TNFAIP2: variants seen among roughly 807,000 people sequenced by gnomAD.
TNFAIP2 encodes TNF alpha induced protein 2.
In TNFAIP2, 47 loss-of-function variants were observed where a neutral mutation model predicts 63.5. That is an observed-to-expected ratio of 0.74 (90% CI 0.59 to 0.94). The LOEUF is 0.94. Among genes scored for constraint, TNFAIP2 ranks in the 40% least tolerant of loss-of-function variants. The pLI, the probability that TNFAIP2 is intolerant of heterozygous loss-of-function variation, is 0.00. For missense variants in TNFAIP2, 787 were observed against 850.2 expected (o/e 0.93, Z 0.92); for synonymous variants, 405 against 390.2 (o/e 1.04, Z -0.45).
intron 10 of TNFAIP2, 61 bp from the exon 11 acceptor site, chr14:103,133,621 A>G: frequency 1.9e-6 from 3 of 1,554,772 alleles, no homozygotes; most frequent in Non-Finnish European, 2.6e-6. Flanking sequence ...TCTAAGCCCA[A>G]CGAGTCGCTG....
intron 6 of TNFAIP2, 119 bp from the exon 7 acceptor site, chr14:103,130,933 G>A: frequency 9.9e-7 from 1 of 1,014,962 alleles, no homozygotes; most frequent in Non-Finnish European, 1.5e-6. Context: ...CCCCTCCCTT[G>A]GCTATGGGCA....
Position 103,127,443 on chromosome 14 carries a change from A to AG in TNFAIP2, c.676dup (p.Glu226GlyfsTer63). The AG allele has an allele frequency of 6.3e-7, 1 of 1,587,904 alleles. No individual in the cohort carries two copies. Among genetic ancestry groups the AG allele is most frequent in the Non-Finnish European group, 8.5e-7 (1 of 1,175,272 alleles). The stretch of plus-strand genomic sequence containing the variant: ...TTTCTGCACTTGGGCCGCACCATGA[A>AG]GGAGGACCTGGAGGCCGTGGTGGAG... On this transcript the variant is annotated frameshift_variant, in exon 3 of 12. Transcript: ENST00000560869. LOFTEE classifies it high-confidence loss of function. The surrounding 1 kb of genome is among the most constrained non-coding windows in gnomAD (Gnocchi z 5.1).
Position 103,126,542 on chromosome 14 carries a change from AAGAAGAAGG to A in TNFAIP2, c.94_102del (p.Glu32_Lys34del), listed in dbSNP as rs763927491. ...TAGGGAGGAGGAAGAGGCGGCGAAGAAGAAGAAGGAGAAGAAGAAGAAGTCCAAAGGCCT... is the reference window on the plus strand; with the variant it reads ...TAGGGAGGAGGAAGAGGCGGCGAAGAAGAAGAAGAAGAAGTCCAAAGGCCT... On this transcript the variant is annotated inframe_deletion, in exon 2 of 12. Transcript: ENST00000560869. 21 of 1,570,726 alleles carry A rather than the reference AAGAAGAAGG, an allele frequency of 1.3e-5. No homozygotes were observed. Among genetic ancestry groups the A allele is most frequent in the Admixed American group, 9.4e-5 (5 of 53,268 alleles).
chr14:103,133,270 C>G, intron 9 of TNFAIP2, 92 bp from the exon 10 acceptor site: 1 of 1,490,058 alleles, frequency 6.7e-7, no homozygotes, highest in Non-Finnish European at 9.0e-7. Context: ...GCATCTGCCT[C>G]TCTCTGGAGG....
At chr14:103,124,736 C>A (rs1222014830) in intron 1 of TNFAIP2, among the ~76,000 whole-genome samples, 1 of 152,226 alleles carries the variant, frequency 6.6e-6, no homozygotes, top group Non-Finnish European at 1.5e-5. Context: ...GGGTGGGGAG[C>A]AGAGGTGCCC....
At chr14:103,133,943 G>A (rs2088043682) in intron 11 of TNFAIP2, 140 bp downstream of exon 11, 2 of 1,123,432 alleles carry the variant, frequency 1.8e-6, no homozygotes, top group Non-Finnish European at 2.4e-6. Flanking sequence ...CATTCTTGTG[G>A]CCTTCACCAC....
intron 11 of TNFAIP2, 147 bp downstream of exon 11, chr14:103,133,950 C>A: frequency 9.6e-7 from 1 of 1,040,216 alleles, no homozygotes; most frequent in Non-Finnish European, 1.3e-6. Context: ...GTGGCCTTCA[C>A]CACAGCACTA....
Position 103,135,832 on chromosome 14 carries a change from T to G in TNFAIP2, c.*472T>G, listed in dbSNP as rs1351950055. 1.0e-5 allele frequency: 13 copies of G among 1,292,326 alleles called. No individual in the cohort carries two copies. The highest frequency in any genetic ancestry group is 1.3e-5 in the Non-Finnish European group (13 of 990,890). The allele number at this position is 1,292,326 out of a possible 1,614,324, so 80.1% of individuals were successfully genotyped here. ...AGCCCAGGGCCGCCGTGAGCGGGAT[T>G]CAGCAATGGTGGAATGGAAGACAGA... On this transcript the variant is annotated 3_prime_UTR_variant, in exon 12 of 12. Transcript: ENST00000560869. This position sits in a 1 kb window ranked among gnomAD's most constrained non-coding sequence, Gnocchi z 7.6.
chr14:103,132,816 G>A lies in TNFAIP2; in HGVS notation c.1489G>A (p.Ala497Thr), dbSNP rs766106526. 1.3e-5 allele frequency: 21 copies of A among 1,613,936 alleles called. No individual in the cohort carries two copies. Among genetic ancestry groups the A allele is most frequent in the Admixed American group, 1.7e-5 (1 of 59,994 alleles). Reference protein sequence around the residue: ...APVETLENIIATVDTRLPEFS... With the variant: ...APVETLENIITTVDTRLPEFS... ...TGTGGAGACCCTGGAAAACATCATC[G>A]CCACTGTAGACACGAGGCTGCCTGA... The change falls in exon 9 of 12, where the codon GCC becomes ACC. Residue 497 changes from alanine to threonine, a missense_variant. Around this residue, in one of 3 missense-constraint regions of TNFAIP2, gnomAD observed 523 missense variants for 604.1 expected, o/e 0.87. Coordinates refer to ENST00000560869, the MANE Select transcript of TNFAIP2 (RefSeq NM_006291.4).
upstream of TNFAIP2, among the ~76,000 whole-genome samples, chr14:103,122,455 C>A (rs964640611): frequency 6.6e-6 from 1 of 152,188 alleles, no homozygotes; most frequent in Non-Finnish European, 1.5e-5. Context: ...CCCTGCCCAG[C>A]GGGAAATTCC....
chr14:103,134,549 C>T (rs1451779949), intron 11 of TNFAIP2, among the ~76,000 whole-genome samples: 2 of 148,578 alleles, frequency 1.3e-5, no homozygotes, highest in African/African-American at 2.5e-5. Context: ...TCCATCCACC[C>T]CTCCACCCAT....
chr14:103,124,892 G>A (rs1377052828), intron 1 of TNFAIP2, among the ~76,000 whole-genome samples: 2 of 152,242 alleles, frequency 1.3e-5, no homozygotes, highest in Non-Finnish European at 2.9e-5. Context: ...CAGGGGCTGG[G>A]GGTGGGAGGA....
intron 3 of TNFAIP2, among the ~76,000 whole-genome samples, chr14:103,128,027 CA>C (rs770935248): frequency 6.6e-6 from 1 of 152,176 alleles, no homozygotes; most frequent in Non-Finnish European, 1.5e-5. Context: ...AGGCCCCGTG[CA>C]GAGCATGGGC....
chr14:103,122,771 G>A (rs776218101), upstream of TNFAIP2: 2 of 454,736 alleles, frequency 4.4e-6, no homozygotes, highest in Admixed American at 4.7e-5. Context: ...AGCCCCAGAG[G>A]GGGAAAGGCT....
rs2139576493 is a variant in TNFAIP2 at position 103,137,056 on chromosome 14, G to A, written c.*1696G>A. 1 of 152,400 alleles carries A rather than the reference G, an allele frequency of 6.6e-6. No homozygotes were observed. Among genetic ancestry groups the A allele is most frequent in the Admixed American group, 6.5e-5 (1 of 15,302 alleles). The allele number at this position is 152,400 out of a possible 1,614,324, so 9.4% of individuals were successfully genotyped here. On this transcript the variant is annotated 3_prime_UTR_variant, in exon 12 of 12. Transcript: ENST00000560869. ...CTGCCGGGCACCTCGCTCTACCCCAGGAAAATGTGAGCTCGTTTTCCTGCT... is the reference window on the plus strand; with the variant it reads ...CTGCCGGGCACCTCGCTCTACCCCAAGAAAATGTGAGCTCGTTTTCCTGCT...
chr14:103,121,838 C>A (rs935754360), upstream of TNFAIP2, among the ~76,000 whole-genome samples: 9 of 136,984 alleles, frequency 6.6e-5, no homozygotes, highest in African/African-American at 2.2e-4. Context: ...CTGGCAGATG[C>A]AGACTTCCCG....
rs1252827217 is a variant in TNFAIP2, at chr14:103,127,445, G to C, written c.676G>C (p.Glu226Gln). 11 of 1,588,066 alleles carry C rather than the reference G, an allele frequency of 6.9e-6. No homozygotes were observed. The highest frequency in any genetic ancestry group is 9.4e-6 in the Non-Finnish European group (11 of 1,175,350). Reference sequence around the variant, plus strand: ...TCTGCACTTGGGCCGCACCATGAAGGAGGACCTGGAGGCCGTGGTGGAGCG... The same window carrying C: ...TCTGCACTTGGGCCGCACCATGAAGCAGGACCTGGAGGCCGTGGTGGAGCG... ...VFLHLGRTMK[E>Q]DLEAVVERLK... The change falls in exon 3 of 12, where the codon GAG (glutamate) becomes CAG (glutamine). Residue 226 changes from glutamate to glutamine, a missense_variant. Glu to Gln is a conservative substitution (Grantham distance 29). This residue lies in a region of TNFAIP2 where 523 missense variants were observed against 604.1 expected (regional missense o/e 0.87). Coordinates refer to ENST00000560869, the MANE Select transcript of TNFAIP2 (RefSeq NM_006291.4). This position sits in a 1 kb window ranked among gnomAD's most constrained non-coding sequence, Gnocchi z 5.1.
chr14:103,135,491 G>T lies in TNFAIP2; in HGVS notation c.*131G>T, dbSNP rs1018858861. 2 of 1,499,842 alleles carry T rather than the reference G, an allele frequency of 1.3e-6. No individual in the cohort carries two copies. The highest frequency in any genetic ancestry group is 8.8e-7 in the Non-Finnish European group (1 of 1,134,164). The allele number at this position is 1,499,842 out of a possible 1,614,324, so 92.9% of individuals were successfully genotyped here. On this transcript the variant is annotated 3_prime_UTR_variant, in exon 12 of 12. Transcript: ENST00000560869. This position sits in a 1 kb window ranked among gnomAD's most constrained non-coding sequence, Gnocchi z 7.6. ...TGTGCTCTGATGCTACTTCTGCCTA[G>T]CCCTGGCGGAGGTGCAGGCCCTGTC... is the stretch of plus-strand genomic sequence containing the variant.
rs2087970679 is a variant in TNFAIP2 at position 103,131,418 on chromosome 14, T to A, written c.1299-221T>A. Reference sequence around the variant, plus strand: ...TATAGTGATCTGTCTATTAGGCAGATGGGCAAACCACTGGAGGAGGCTCAC... The same window carrying A: ...TATAGTGATCTGTCTATTAGGCAGAAGGGCAAACCACTGGAGGAGGCTCAC... On this transcript the variant is annotated intron_variant, in intron 7 of 11. Transcript: ENST00000560869. The surrounding 1 kb of genome is among the most constrained non-coding windows in gnomAD (Gnocchi z 4.0). 6.6e-6 allele frequency among the ~76,000 whole-genome samples: 1 copy of A among 152,218 alleles called. No homozygotes were observed. Among genetic ancestry groups the A allele is most frequent in the South Asian group, 2.1e-4 (1 of 4,836 alleles).
Sources: allele counts gnomAD v4.1 joint callset (sites outside exome capture counted in the v4.1 genomes callset), GRCh38; gene constraint gnomAD v4.1.1; regional missense constraint gnomAD v4.1.1; non-coding constraint Gnocchi (gnomAD v3.1); transcripts MANE v1.5; gene names NCBI Gene and HGNC (gene_info 2026-07-23, HGNC 2026-07-21).